The following GHR variants were observed in gnomAD, a reference collection of about 807,000 sequenced individuals.
GHR encodes GH receptor.
Under a neutral mutation model 67.1 loss-of-function variants are expected in GHR, and 35 were observed. That is an observed-to-expected ratio of 0.52 (90% CI 0.40 to 0.69). The LOEUF is 0.69. GHR is among the 30% of genes least tolerant of loss of function. GHR has a pLI of 0.00. For missense variants in GHR, 792 were observed against 764.6 expected (o/e 1.04, Z -0.42); for synonymous variants, 272 against 269.1 (o/e 1.01, Z -0.10).
chr5:42,622,828 C>A (rs1275409407), intron 2 of GHR, among the ~76,000 whole-genome samples: 1 of 152,142 alleles, frequency 6.6e-6, no homozygotes, highest in African/African-American at 2.4e-5. Context: ...CAGGATGAAT[C>A]ATTGCCATAA....
intron 3 of GHR, among the ~76,000 whole-genome samples, chr5:42,631,807 T>C (rs1753942996): frequency 6.6e-6 from 1 of 152,180 alleles, no homozygotes; most frequent in African/African-American, 2.4e-5. Flanking sequence ...AAAAACCCTG[T>C]CAGGACAAAT....
In GHR at chr5:42,629,051, C is replaced by A. The variant is rs776748737; in HGVS notation, c.84C>A (p.Ile28=). ...AFSGSEATAA[I]LSRAPWSLQS... The stretch of plus-strand genomic sequence containing the variant: ...TTTCTGTTTCAGCCACAGCAGCTAT[C>A]CTTAGCAGAGCACCCTGGAGTCTGC... Residue 28 remains isoleucine, a synonymous_variant, in exon 3 of 10, where the codon ATC becomes ATA. Coordinates refer to ENST00000230882, the MANE Select transcript of GHR (RefSeq NM_000163.5). 56 of 1,407,834 alleles carry A rather than the reference C, an allele frequency of 4.0e-5. 9 individuals are homozygous for A. The highest frequency in any genetic ancestry group is 5.5e-5 in the Non-Finnish European group (56 of 1,022,964). The allele number at this position is 1,407,834 out of a possible 1,614,324, so 87.2% of individuals were successfully genotyped here. A position where few individuals can be genotyped will look rare whatever the true frequency, so the allele number is the denominator to read the frequency against.
At chr5:42,647,833 C>T in intron 3 of GHR, 1 of 312,204 alleles carries the variant, frequency 3.2e-6, no homozygotes, top group South Asian at 2.7e-5. Flanking sequence ...AATTTTGTTT[C>T]TCTGAATATA....
Position 42,424,437 on chromosome 5 carries a change from C to T in GHR, c.-12+482C>T, listed in dbSNP as rs1742752941. 1.6e-6 allele frequency: 1 copy of T among 643,550 alleles called. No individual in the cohort carries two copies. Among genetic ancestry groups the T allele is most frequent in the Non-Finnish European group, 2.7e-6 (1 of 364,660 alleles). 39.9% of individuals were successfully genotyped at this position (643,550 alleles called of 1,614,324 possible). A position where few individuals can be genotyped will look rare whatever the true frequency, so the allele number is the denominator to read the frequency against. ...TGCTGCTGTTGCGCGGGGAAGAATC[C>T]CCGGCAGCGCGACTGGAGAGACTGG... is the stretch of plus-strand genomic sequence containing the variant. On this transcript the variant is annotated intron_variant, in intron 1 of 9. Coordinates refer to ENST00000230882, the MANE Select transcript of GHR (RefSeq NM_000163.5). The surrounding 1 kb of genome is among the most constrained non-coding windows in gnomAD (Gnocchi z 4.1).
intron 2 of GHR, among the ~76,000 whole-genome samples, chr5:42,627,695 C>T (rs1341003959): frequency 2.0e-5 from 3 of 152,212 alleles, no homozygotes; most frequent in Non-Finnish European, 4.4e-5. Flanking sequence ...GGGGCAAGTG[C>T]CTTGGCCCCT....
intron 6 of GHR, among the ~76,000 whole-genome samples, chr5:42,710,751 C>A (rs1579658527): frequency 6.6e-6 from 1 of 152,188 alleles, no homozygotes; most frequent in South Asian, 2.1e-4. Context: ...AATGACTACC[C>A]GGAATTTCCA....
intron 2 of GHR, among the ~76,000 whole-genome samples, chr5:42,613,773 G>A (rs1334982980): frequency 6.6e-6 from 1 of 152,060 alleles, no homozygotes; most frequent in Non-Finnish European, 1.5e-5. Flanking sequence ...TGGGTATGGG[G>A]AATAGGGAAC....
rs199960137 is a variant in GHR, at chr5:42,718,037, T to G, written c.876-15T>G. The G allele has an allele frequency of 2.9e-4, 440 of 1,494,388 alleles. No individual in the cohort carries two copies. The highest frequency in any genetic ancestry group is 2.8e-4 in the Non-Finnish European group (295 of 1,071,390). 92.6% of individuals were successfully genotyped at this position (1,494,388 alleles called of 1,614,324 possible). On this transcript the variant is annotated splice_polypyrimidine_tract_variant and intron_variant, in intron 8 of 9. Coordinates refer to ENST00000230882, the MANE Select transcript of GHR (RefSeq NM_000163.5). ...CTTTTAAGATGTCAAAACCAAAATT[T>G]TATATGTTTTCAAGGATTAAAATGC...
At chr5:42,556,372 A>G (rs980355588) in intron 1 of GHR, among the ~76,000 whole-genome samples, 2 of 152,130 alleles carry the variant, frequency 1.3e-5, no homozygotes, top group African/African-American at 4.8e-5. Context: ...TACCTTATTT[A>G]TCTCCTTTTA....
intron 2 of GHR, among the ~76,000 whole-genome samples, chr5:42,581,687 C>G (rs188068707): frequency 6.6e-6 from 1 of 152,144 alleles, no homozygotes; most frequent in Admixed American, 6.5e-5. Flanking sequence ...CATCTGGAGC[C>G]GCTGCTGTGA....
At chr5:42,642,560 A>G (rs1247357991) in intron 3 of GHR, among the ~76,000 whole-genome samples, 2 of 152,126 alleles carry the variant, frequency 1.3e-5, no homozygotes, top group South Asian at 2.1e-4. Context: ...TGGTGGTTCT[A>G]GGTAGGTATG....
At chr5:42,689,460 G>C (rs963621775) in intron 4 of GHR, among the ~76,000 whole-genome samples, 1 of 152,168 alleles carries the variant, frequency 6.6e-6, no homozygotes, top group Non-Finnish European at 1.5e-5. Flanking sequence ...ATGTGGATGA[G>C]AGTGTGTGTA....
chr5:42,582,041 C>A (rs111518332), intron 2 of GHR, among the ~76,000 whole-genome samples: 1 of 152,258 alleles, frequency 6.6e-6, no homozygotes, highest in Non-Finnish European at 1.5e-5. Flanking sequence ...GCTGACACAC[C>A]AGCCCCCTGG....
chr5:42,680,467 C>A (rs1449179014), intron 3 of GHR, among the ~76,000 whole-genome samples: 1 of 151,554 alleles, frequency 6.6e-6, no homozygotes, highest in Non-Finnish European at 1.5e-5. Flanking sequence ...TTTTTAATTC[C>A]ATGAAATTTT....
intron 2 of GHR, among the ~76,000 whole-genome samples, chr5:42,575,660 A>G (rs1750617533): frequency 6.6e-6 from 1 of 151,764 alleles, no homozygotes; most frequent in Non-Finnish European, 1.5e-5. Flanking sequence ...TGGCTCCAGC[A>G]GCCTGAGGGC....
chr5:42,572,271 G>GC (rs1384175899), intron 2 of GHR, among the ~76,000 whole-genome samples: 3 of 152,106 alleles, frequency 2.0e-5, no homozygotes, highest in Non-Finnish European at 4.4e-5. Flanking sequence ...ACAGTACTGT[G>GC]CACCTAGCTT....
intron 1 of GHR, among the ~76,000 whole-genome samples, chr5:42,448,795 T>C (rs1743927695): frequency 6.6e-6 from 1 of 152,138 alleles, no homozygotes; most frequent in African/African-American, 2.4e-5. Context: ...TGGTCCATCC[T>C]GAATTGATTT....
intron 3 of GHR, among the ~76,000 whole-genome samples, chr5:42,663,972 A>T (rs1258521925): frequency 2.6e-5 from 4 of 152,220 alleles, no homozygotes; most frequent in Non-Finnish European, 1.5e-5. Flanking sequence ...GAGCCAAATC[A>T]TGAGTGAACT....
At chr5:42,658,096 T>C (rs533878774) in intron 3 of GHR, among the ~76,000 whole-genome samples, 1 of 152,130 alleles carries the variant, frequency 6.6e-6, no homozygotes, top group Admixed American at 6.6e-5. Context: ...TAAATTAGGG[T>C]AAAAGAGGAA....
Sources: allele counts gnomAD v4.1 joint callset (sites outside exome capture counted in the v4.1 genomes callset), GRCh38; gene constraint gnomAD v4.1.1; non-coding constraint Gnocchi (gnomAD v3.1); transcripts MANE v1.5; gene names NCBI Gene and HGNC (gene_info 2026-07-23, HGNC 2026-07-21).